TNFRSF10B: variants seen among roughly 807,000 people sequenced by gnomAD.
TNFRSF10B encodes the protein TNF receptor superfamily member 10b, also known as tumor necrosis factor receptor superfamily member 10B.
A neutral mutation model predicts 41.4 loss-of-function variants in TNFRSF10B; 35 were observed. That is an observed-to-expected ratio of 0.85 (90% confidence interval 0.65 to 1.12). The LOEUF is 1.12. Ranked by LOEUF, TNFRSF10B falls within the 50% of genes most tolerant of loss-of-function variation. The pLI is 0.00. For synonymous variants in TNFRSF10B, 230 were observed against 215.5 expected (o/e 1.07, Z -0.59); for missense variants, 584 against 552.7 (o/e 1.06, Z -0.57).
intron 1 of TNFRSF10B, among the ~76,000 whole-genome samples, chr8:23,046,634 A>C (rs958487169): frequency 3.8e-5 from 5 of 131,616 alleles, no homozygotes; most frequent in Non-Finnish European, 8.1e-5. Flanking sequence ...AAAAAAAAAA[A>C]CACAAATAGC....
At chr8:23,065,173 C>T (rs1044277804) in intron 1 of TNFRSF10B, among the ~76,000 whole-genome samples, 5 of 152,174 alleles carry the variant, frequency 3.3e-5, no homozygotes, top group Non-Finnish European at 1.5e-5. Flanking sequence ...CCAACCCAGG[C>T]ACAGATTTTC....
chr8:23,055,230 ACTCT>A (rs1224051029), intron 1 of TNFRSF10B, among the ~76,000 whole-genome samples: 1 of 151,916 alleles, frequency 6.6e-6, no homozygotes, highest in Non-Finnish European at 1.5e-5. Flanking sequence ...TTCAGCAGGC[ACTCT>A]CTCTAAGCCC....
chr8:23,027,516 T>C, intron 6 of TNFRSF10B: 1 of 786,148 alleles, frequency 1.3e-6, no homozygotes, highest in Non-Finnish European at 2.0e-6. Flanking sequence ...GGGGTGAGGA[T>C]GTCACCTGGG....
At chr8:23,023,861 G>T (rs1024839432) in intron 8 of TNFRSF10B, among the ~76,000 whole-genome samples, 1 of 152,168 alleles carries the variant, frequency 6.6e-6, no homozygotes, top group African/African-American at 2.4e-5. Flanking sequence ...AGCCCACTGG[G>T]GTTAGTGGTG....
intron 7 of TNFRSF10B, among the ~76,000 whole-genome samples, chr8:23,026,087 T>A (rs112309430): frequency 1.3e-5 from 2 of 151,852 alleles, no homozygotes; most frequent in African/African-American, 4.8e-5. Context: ...AAAAAAAAAA[T>A]CTTCAAAGTC....
intron 2 of TNFRSF10B, among the ~76,000 whole-genome samples, chr8:23,036,795 G>C (rs894524728): frequency 6.6e-6 from 1 of 152,170 alleles, no homozygotes. Context: ...GTGAGCCGAG[G>C]TCGCCCCATT....
In TNFRSF10B at chr8:23,046,703, C is replaced by G. The variant is rs962417012; in HGVS notation, c.145-3460G>C. On this transcript the variant is annotated intron_variant, in intron 1 of 8. Transcript: ENST00000276431. The stretch of plus-strand genomic sequence containing the variant: ...AGGCATCACACTACCTGATTTCAAA[C>G]TATACTACAAAGCAATAATAATTAA... Among the ~76,000 whole-genome samples the G allele has an allele frequency of 3.3e-5, 5 of 149,380 alleles. No individual in the cohort carries two copies. In the East Asian group the frequency reaches 9.7e-4, roughly 29 times the overall value.
intron 1 of TNFRSF10B, among the ~76,000 whole-genome samples, chr8:23,057,192 A>AC (rs1812694746): frequency 6.6e-6 from 1 of 150,898 alleles, no homozygotes; most frequent in African/African-American, 2.5e-5. Flanking sequence ...GGAGCCCACC[A>AC]CCACCCACCA....
intron 6 of TNFRSF10B, 99 bp from the exon 7 acceptor site, chr8:23,027,387 C>A: frequency 6.8e-7 from 1 of 1,479,214 alleles, no homozygotes; most frequent in Non-Finnish European, 9.3e-7. Context: ...GACATCCCCA[C>A]CCCCTCTCAG....
chr8:23,044,491 G>A (rs979489469), intron 1 of TNFRSF10B, among the ~76,000 whole-genome samples: 1 of 152,124 alleles, frequency 6.6e-6, no homozygotes, highest in Non-Finnish European at 1.5e-5. Context: ...CCAACAATGT[G>A]ATTAAGAAAT....
chr8:23,025,551 G>C (rs1811676692), intron 7 of TNFRSF10B, among the ~76,000 whole-genome samples: 1 of 152,132 alleles, frequency 6.6e-6, no homozygotes, highest in African/African-American at 2.4e-5. Context: ...GTTTTGTTTG[G>C]TGTTGTACAT....
intron 1 of TNFRSF10B, chr8:23,068,546 C>T (rs1585232886): frequency 2.8e-6 from 2 of 718,112 alleles, no homozygotes; most frequent in Non-Finnish European, 4.5e-6. Context: ...GGAGCGCGCG[C>T]TCTGTTCCCT....
chr8:23,062,039 C>A (rs1812844916), intron 1 of TNFRSF10B, among the ~76,000 whole-genome samples: 1 of 151,954 alleles, frequency 6.6e-6, no homozygotes, highest in African/African-American at 2.4e-5. Flanking sequence ...CAATGCTGGC[C>A]TTACAGAAAG....
At chr8:23,024,405 A>T in intron 7 of TNFRSF10B, 145 bp from the exon 8 acceptor site, 5 of 851,846 alleles carry the variant, frequency 5.9e-6, no homozygotes, top group Non-Finnish European at 9.7e-6. Context: ...GACAGGAGAC[A>T]AAGGGGCAAG....
At chr8:23,023,280 C>T (rs1334722131) in intron 8 of TNFRSF10B, among the ~76,000 whole-genome samples, 2 of 152,154 alleles carry the variant, frequency 1.3e-5, no homozygotes, top group African/African-American at 2.4e-5. Context: ...AAGTAAAGTG[C>T]GTGAGAGTCC....
At chr8:23,065,523 T>C (rs1173846671) in intron 1 of TNFRSF10B, among the ~76,000 whole-genome samples, 1 of 152,214 alleles carries the variant, frequency 6.6e-6, no homozygotes, top group East Asian at 1.9e-4. Context: ...CACTCAGGGC[T>C]GGGAGATCTG....
At chr8:23,064,036 G>A (rs1392212583) in intron 1 of TNFRSF10B, among the ~76,000 whole-genome samples, 5 of 152,242 alleles carry the variant, frequency 3.3e-5, no homozygotes, top group African/African-American at 9.6e-5. Context: ...CCTGGCGACC[G>A]CATATGCAAG....
intron 2 of TNFRSF10B, among the ~76,000 whole-genome samples, chr8:23,039,233 C>T (rs1812104243): frequency 6.6e-6 from 1 of 152,044 alleles, no homozygotes; most frequent in Admixed American, 6.6e-5. Flanking sequence ...ATCTACAGCC[C>T]ACCTCCTGCT....
At chr8:23,066,751 G>A (rs1476732827) in intron 1 of TNFRSF10B, among the ~76,000 whole-genome samples, 5 of 151,854 alleles carry the variant, frequency 3.3e-5, no homozygotes, top group South Asian at 4.2e-4. Flanking sequence ...CAAAAAGTTC[G>A]CTGGGCGTGG....
Sources: gnomAD v4.1 joint callset for allele counts (sites outside exome capture counted in the v4.1 genomes callset) on GRCh38, gnomAD v4.1.1 for gene constraint, MANE v1.5 for transcripts, NCBI Gene and HGNC (gene_info 2026-07-23, HGNC 2026-07-21) for gene names.